The following NRXN1 variants were observed in gnomAD, a reference collection of about 807,000 sequenced individuals.
The protein encoded by NRXN1 is neurexin 1.
Under a neutral mutation model 150.9 loss-of-function variants are expected in NRXN1, and 39 were observed. The observed-to-expected ratio is 0.26, with a 90% confidence interval of 0.20 to 0.34. The LOEUF is 0.34. Ranked by LOEUF, NRXN1 falls within the 10% of genes least tolerant of loss-of-function variation. The pLI is 1.00. For missense variants in NRXN1, 1,815 were observed against 1,949.9 expected, an observed-to-expected ratio of 0.93 and a Z score of 1.30; for synonymous variants, 924 against 757.0, an observed-to-expected ratio of 1.22 and a Z score of -3.62.
At chr2:49,956,592 G>C (rs115850802) in intron 21 of NRXN1, among the ~76,000 whole-genome samples, 1 of 152,066 alleles carries the variant, frequency 6.6e-6, no homozygotes, top group Non-Finnish European at 1.5e-5. Flanking sequence ...AGCAAGAAAA[G>C]TCCAAGGAGC....
At chr2:49,941,905 T>C (rs1169340311) in intron 22 of NRXN1, among the ~76,000 whole-genome samples, 2 of 152,014 alleles carry the variant, frequency 1.3e-5, no homozygotes, top group Admixed American at 1.3e-4. Flanking sequence ...CATGTGAGCG[T>C]AGAAGAAATG....
At chr2:49,976,457 A>G (rs1458580620) in intron 21 of NRXN1, among the ~76,000 whole-genome samples, 1 of 152,138 alleles carries the variant, frequency 6.6e-6, no homozygotes, top group Admixed American at 6.5e-5. Flanking sequence ...CATTTTATAC[A>G]TTTTGTTTAA....
intron 5 of NRXN1, among the ~76,000 whole-genome samples, chr2:50,634,924 A>T (rs1230670545): frequency 6.6e-6 from 1 of 152,046 alleles, no homozygotes; most frequent in Non-Finnish European, 1.5e-5. Context: ...TGACTTCCCA[A>T]CAGCAGTCAA....
chr2:50,354,467 C>A (rs1460551441), intron 17 of NRXN1, among the ~76,000 whole-genome samples: 1 of 149,428 alleles, frequency 6.7e-6, no homozygotes. Flanking sequence ...AATGAGTCGA[C>A]AAATTTAAAG....
intron 15 of NRXN1, among the ~76,000 whole-genome samples, chr2:50,484,458 T>A (rs2104810956): frequency 6.6e-6 from 1 of 152,192 alleles, no homozygotes; most frequent in African/African-American, 2.4e-5. Context: ...CTCCTCCAGG[T>A]CAGGGAAGTG....
chr2:50,497,522 A>C lies in NRXN1; in HGVS notation c.2690T>G (p.Phe897Cys). 6.2e-7 allele frequency: 1 copy of C among 1,613,936 alleles called. No individual in the cohort carries two copies. The highest frequency in any genetic ancestry group is 1.1e-5 in the South Asian group (1 of 91,086). The change falls in exon 14 of 23, where the codon TTT becomes TGT. Residue 897 changes from phenylalanine to cysteine, a missense_variant. Around this residue, in one of 6 missense-constraint regions of NRXN1, gnomAD observed 638 missense variants for 652.6 expected, o/e 0.98. Transcript: ENST00000401669. ...ATCTGCTATGATGTTCCTGAAGCCA[A>C]ATCTGGCATTAAGCTCACAGTAATC... Reference protein sequence around the residue: ...DIDYCELNARFGFRNIIADPV... With the variant: ...DIDYCELNARCGFRNIIADPV...
chr2:50,421,392 A>G (rs1298677940), intron 17 of NRXN1, among the ~76,000 whole-genome samples: 1 of 152,088 alleles, frequency 6.6e-6, no homozygotes, highest in African/African-American at 2.4e-5. Context: ...GGTAAGTGGG[A>G]AAGTAAGGCC....
At chr2:50,459,899 G>T (rs770074631) in intron 17 of NRXN1, among the ~76,000 whole-genome samples, 1 of 152,092 alleles carries the variant, frequency 6.6e-6, no homozygotes, top group Non-Finnish European at 1.5e-5. Flanking sequence ...GATTAAGGCA[G>T]TATCCCCATC....
At chr2:49,970,864 A>C (rs553463206) in intron 21 of NRXN1, among the ~76,000 whole-genome samples, 1 of 152,162 alleles carries the variant, frequency 6.6e-6, no homozygotes, top group South Asian at 2.1e-4. Context: ...CCACAGGTAA[A>C]GCAACAGAGG....
chr2:50,410,614 A>T (rs2083079735), intron 17 of NRXN1, among the ~76,000 whole-genome samples: 1 of 152,232 alleles, frequency 6.6e-6, no homozygotes, highest in African/African-American at 2.4e-5. Flanking sequence ...AAAGTAAACT[A>T]AGATGAAATT....
At chr2:50,202,502 T>A (rs1330764794) in intron 18 of NRXN1, among the ~76,000 whole-genome samples, 2 of 151,628 alleles carry the variant, frequency 1.3e-5, no homozygotes, top group East Asian at 3.9e-4. Context: ...TGAGAATCCA[T>A]CTCACAAAAA....
intron 17 of NRXN1, among the ~76,000 whole-genome samples, chr2:50,252,164 T>G (rs1191441087): frequency 6.8e-6 from 1 of 146,710 alleles, no homozygotes. Flanking sequence ...TTTACAGTTT[T>G]GGGTTTTACA....
chr2:50,879,627 T>C (rs1679128664), intron 5 of NRXN1, among the ~76,000 whole-genome samples: 1 of 151,764 alleles, frequency 6.6e-6, no homozygotes, highest in African/African-American at 2.4e-5. Flanking sequence ...GTTGGGGTGG[T>C]GGGGGCAGCA....
At chr2:50,985,200 T>C (rs1697499546) in intron 2 of NRXN1, among the ~76,000 whole-genome samples, 1 of 151,942 alleles carries the variant, frequency 6.6e-6, no homozygotes, top group Non-Finnish European at 1.5e-5. Flanking sequence ...GGTTTGGTAG[T>C]ATAATAGTAA....
intron 21 of NRXN1, among the ~76,000 whole-genome samples, chr2:50,014,140 G>A (rs1282733858): frequency 1.3e-5 from 2 of 151,528 alleles, no homozygotes; most frequent in African/African-American, 4.8e-5. Context: ...GAGTATGGAT[G>A]GAGAGAGGGG....
At chr2:50,494,543 A>C (rs890751017) in intron 15 of NRXN1, among the ~76,000 whole-genome samples, 2 of 152,196 alleles carry the variant, frequency 1.3e-5, no homozygotes, top group African/African-American at 4.8e-5. Context: ...AAGCTATTAG[A>C]TTTGTGGGTA....
intron 2 of NRXN1, among the ~76,000 whole-genome samples, chr2:50,966,342 T>TAAA (rs34410057): frequency 7.2e-6 from 1 of 138,800 alleles, no homozygotes; most frequent in African/African-American, 2.6e-5. Flanking sequence ...CCAAAAGAGT[T>TAAA]AAAAAAAAAA....
At chr2:50,456,771 G>A (rs1004024884) in intron 17 of NRXN1, among the ~76,000 whole-genome samples, 68 of 151,846 alleles carry the variant, frequency 4.5e-4, no homozygotes, top group African/African-American at 1.6e-3. Context: ...AATACACTGG[G>A]CTTCATGCAT....
chr2:50,211,319 A>G (rs949952193), intron 18 of NRXN1, among the ~76,000 whole-genome samples: 2 of 151,726 alleles, frequency 1.3e-5, no homozygotes, highest in African/African-American at 4.8e-5. Context: ...TCATTTTGAT[A>G]TCATGCTTAG....
Sources: gnomAD v4.1 joint callset for allele counts (sites outside exome capture counted in the v4.1 genomes callset) on GRCh38, gnomAD v4.1.1 for gene constraint, gnomAD v4.1.1 regional missense constraint, MANE v1.5 for transcripts, NCBI Gene and HGNC (gene_info 2026-07-23, HGNC 2026-07-21) for gene names.